DLEU7: variants seen among roughly 807,000 people sequenced by gnomAD.
The protein encoded by DLEU7 is leukemia-associated protein 7.
In DLEU7, 17 loss-of-function variants were observed where a neutral mutation model predicts 16.0. The observed-to-expected ratio is 1.06, with a 90% confidence interval of 0.73 to 1.59. DLEU7 has a LOEUF of 1.59. DLEU7 is among the 40% of genes most tolerant of loss of function. The probability of loss-of-function intolerance (pLI) is 0.00; values close to 1 mark genes in which losing one functional copy is unlikely to be tolerated. For missense variants in DLEU7, 308 were observed against 314.9 expected (o/e 0.98, Z 0.17); for synonymous variants, 113 against 139.8 (o/e 0.81, Z 1.35).
chr13:50,764,994 T>C (rs1296699400), intron 1 of DLEU7, among the ~76,000 whole-genome samples: 1 of 152,174 alleles, frequency 6.6e-6, no homozygotes, highest in Non-Finnish European at 1.5e-5. Context: ...GCAATTCTTC[T>C]GCCACAGCCT....
chr13:50,789,178 T>C (rs979112757), intron 1 of DLEU7, among the ~76,000 whole-genome samples: 1 of 151,506 alleles, frequency 6.6e-6, no homozygotes. Flanking sequence ...GTGGACAGCA[T>C]ACGTGCAGGT....
chr13:50,823,152 C>T lies in DLEU7; in HGVS notation c.*162G>A. The T allele has an allele frequency of 1.4e-6, 2 of 1,415,320 alleles. No individual in the cohort carries two copies. Among genetic ancestry groups the T allele is most frequent in the Non-Finnish European group, 1.8e-6 (2 of 1,086,652 alleles). The allele number at this position is 1,415,320 out of a possible 1,614,324, so 87.7% of individuals were successfully genotyped here. On this transcript the variant is annotated 3_prime_UTR_variant, in exon 2 of 2. Transcript: ENST00000504404. The stretch of plus-strand genomic sequence containing the variant: ...AAAATTTCATTAACATGCTATAATC[C>T]CGAAGGCTACAGATGCCACTGGTCA...
chr13:50,800,185 A>C (rs6561592), intron 1 of DLEU7, among the ~76,000 whole-genome samples: 27,415 of 152,180 alleles, frequency 0.18, 4,227 homozygotes, highest in African/African-American at 0.41. Flanking sequence ...AGAAAGGGCA[A>C]AAGAGAATAA....
At chr13:50,804,584 C>T (rs914596043) in intron 1 of DLEU7, among the ~76,000 whole-genome samples, 25 of 151,992 alleles carry the variant, frequency 1.6e-4, no homozygotes, top group African/African-American at 5.3e-4. Flanking sequence ...GCTGCAACCA[C>T]AGGCATGCAC....
chr13:50,822,865 A>G (rs1593410276), downstream of DLEU7: 2 of 990,246 alleles, frequency 2.0e-6, no homozygotes, highest in Admixed American at 1.1e-4. Context: ...GTAAGTATTA[A>G]TAGAACAAAG....
chr13:50,745,998 C>T (rs187774837), intron 1 of DLEU7, among the ~76,000 whole-genome samples: 101 of 152,126 alleles, frequency 6.6e-4, no homozygotes, highest in African/African-American at 2.3e-3. Context: ...TTTAGGGAAC[C>T]GTAATGCCTA....
chr13:50,738,092 C>G (rs918804972), intron 1 of DLEU7, among the ~76,000 whole-genome samples: 2 of 152,104 alleles, frequency 1.3e-5, no homozygotes, highest in African/African-American at 4.8e-5. Context: ...AAGCCAAAGC[C>G]TAACTCAGAG....
chr13:50,831,325 G>A (rs1877258775), intron 1 of DLEU7, among the ~76,000 whole-genome samples: 1 of 152,132 alleles, frequency 6.6e-6, no homozygotes, highest in African/African-American at 2.4e-5. Flanking sequence ...CAGAAGAGGG[G>A]AATGGAGGCT....
At chr13:50,742,062 A>T (rs939205864) in intron 1 of DLEU7, among the ~76,000 whole-genome samples, 1 of 152,136 alleles carries the variant, frequency 6.6e-6, no homozygotes, top group Non-Finnish European at 1.5e-5. Context: ...TTTAAGCCAT[A>T]TTTATTTTGC....
chr13:50,762,059 G>A (rs1268125994), intron 1 of DLEU7, among the ~76,000 whole-genome samples: 1 of 151,740 alleles, frequency 6.6e-6, no homozygotes, highest in Non-Finnish European at 1.5e-5. Context: ...AGGCGTGGTG[G>A]TGGGCACCTG....
rs1874929641 is a variant in DLEU7, at chr13:50,761,479, C to T, written c.460-48239G>A. ...TGTTGGGGCAAGGACATGTGGGATC[C>T]CTAGTGGACAATTCAGTCTTTCATG... On this transcript the variant is annotated intron_variant, in intron 1 of 1. Transcript: ENST00000400393. Among the ~76,000 whole-genome samples, 2 of 152,100 alleles carry T rather than the reference C, an allele frequency of 1.3e-5. 1 individual carries two copies. Among genetic ancestry groups the T allele is most frequent in the South Asian group, 4.1e-4 (2 of 4,826 alleles).
intron 1 of DLEU7, among the ~76,000 whole-genome samples, chr13:50,796,150 T>C (rs1870842): frequency 0.42 from 63,362 of 151,788 alleles, 13,464 homozygotes; most frequent in African/African-American, 0.5. Flanking sequence ...TACTGAACTC[T>C]ATATATTTTA....
intron 1 of DLEU7, among the ~76,000 whole-genome samples, chr13:50,774,293 A>C (rs755749376): frequency 3.9e-5 from 6 of 152,138 alleles, no homozygotes; most frequent in Non-Finnish European, 5.9e-5. Context: ...AACCAGTCCC[A>C]GTGAGATGAA....
chr13:50,805,100 G>A (rs962732588), intron 1 of DLEU7, among the ~76,000 whole-genome samples: 1 of 152,116 alleles, frequency 6.6e-6, no homozygotes, highest in Non-Finnish European at 1.5e-5. Context: ...AGTTGTGGTA[G>A]TAGACATTCT....
chr13:50,791,965 A>G (rs772983578), intron 1 of DLEU7, among the ~76,000 whole-genome samples: 1 of 152,204 alleles, frequency 6.6e-6, no homozygotes, highest in Non-Finnish European at 1.5e-5. Context: ...CTGAAAACTT[A>G]CCACTTCACA....
At chr13:50,789,294 G>A (rs184063428) in intron 1 of DLEU7, among the ~76,000 whole-genome samples, 5 of 150,418 alleles carry the variant, frequency 3.3e-5, no homozygotes, top group South Asian at 2.1e-4. Flanking sequence ...GCTGCTGCCC[G>A]TGCTCCTGAA....
chr13:50,832,124 T>C (rs1040918023), intron 1 of DLEU7, among the ~76,000 whole-genome samples: 1 of 152,170 alleles, frequency 6.6e-6, no homozygotes, highest in East Asian at 1.9e-4. Context: ...TGGGCTTTTT[T>C]TAGTTGGTAG....
chr13:50,746,209 A>G (rs1401237910), intron 1 of DLEU7, among the ~76,000 whole-genome samples: 1 of 152,256 alleles, frequency 6.6e-6, no homozygotes, highest in Non-Finnish European at 1.5e-5. Flanking sequence ...AAACAAATAC[A>G]TATTTATTTA....
At chr13:50,756,319 A>T (rs983569403) in intron 1 of DLEU7, among the ~76,000 whole-genome samples, 1 of 152,166 alleles carries the variant, frequency 6.6e-6, no homozygotes, top group East Asian at 1.9e-4. Flanking sequence ...CAGAGTGAAT[A>T]GGGAAGGCCC....
Sources: allele counts gnomAD v4.1 joint callset (sites outside exome capture counted in the v4.1 genomes callset), GRCh38; gene constraint gnomAD v4.1.1; transcripts MANE v1.5; gene names NCBI Gene and HGNC (gene_info 2026-07-23, HGNC 2026-07-21).